GFM2: variants seen among roughly 807,000 people sequenced by gnomAD.
The protein encoded by GFM2 is ribosome-releasing factor 2, mitochondrial.
Under a neutral mutation model 95.4 loss-of-function variants are expected in GFM2, and 72 were observed. The observed-to-expected ratio is 0.76, with a 90% CI of 0.62 to 0.92. The LOEUF (loss-of-function observed/expected upper bound fraction) is 0.92, where lower values mean the gene tolerates loss of function less well. Ranked by LOEUF, GFM2 falls within the 40% of genes least tolerant of loss-of-function variation. The probability of loss-of-function intolerance (pLI) is 0.00; values close to 1 mark genes in which losing one functional copy is unlikely to be tolerated. For synonymous variants in GFM2, 276 were observed against 317.5 expected, an observed-to-expected ratio of 0.87 and a Z score of 1.39; for missense variants, 825 against 924.1, an observed-to-expected ratio of 0.89 and a Z score of 1.39.
rs188306675 is a variant in GFM2, at chr5:74,756,949, G to A, written c.304+1900C>T. 3.9e-3 allele frequency among the ~76,000 whole-genome samples: 598 copies of A among 152,122 alleles called. 1 individual carries two copies. The highest frequency in any genetic ancestry group is 6.6e-3 in the Non-Finnish European group (450 of 68,004). ...GGCAGGAGGGGAGTGAGGGATAAAAGACTACACATTGGGTACAGTGTACAC... is the reference window on the plus strand; with the variant it reads ...GGCAGGAGGGGAGTGAGGGATAAAAAACTACACATTGGGTACAGTGTACAC... On this transcript the variant is annotated intron_variant, in intron 5 of 20. Transcript: ENST00000296805.
At chr5:74,750,179 T>A (rs918562657) in intron 7 of GFM2, among the ~76,000 whole-genome samples, 3 of 152,230 alleles carry the variant, frequency 2.0e-5, no homozygotes, top group Admixed American at 6.5e-5. Context: ...TGATTAAACG[T>A]CAAATTTATC....
intron 20 of GFM2, 175 bp downstream of exon 20, chr5:74,722,204 G>A (rs533007139): frequency 8.2e-4 from 499 of 610,256 alleles, no homozygotes; most frequent in Non-Finnish European, 1.2e-3. Flanking sequence ...CCTGGATTTC[G>A]CCAACAATTT....
chr5:74,734,671 T>C (rs1486425123), intron 15 of GFM2, among the ~76,000 whole-genome samples: 2 of 152,182 alleles, frequency 1.3e-5, no homozygotes, highest in East Asian at 1.9e-4. Context: ...TAAAAATAAC[T>C]TTTACTGTAA....
In GFM2 at chr5:74,733,102, T is replaced by C. The variant is rs556893123; in HGVS notation, c.1511-4A>G. Reference sequence around the variant, plus strand: ...CATTTCAACGCATGTTCCAAATCTATGGGATAAACAACTGTTATCTTTACA... The same window carrying C: ...CATTTCAACGCATGTTCCAAATCTACGGGATAAACAACTGTTATCTTTACA... On this transcript the variant is annotated splice_polypyrimidine_tract_variant and splice_region_variant and intron_variant, in intron 15 of 20. Coordinates refer to ENST00000296805, the MANE Select transcript of GFM2 (RefSeq NM_032380.5). The C allele has an allele frequency of 2.5e-6, 4 of 1,599,450 alleles. No individual in the cohort carries two copies. Among genetic ancestry groups the C allele is most frequent in the Non-Finnish European group, 3.4e-6 (4 of 1,166,762 alleles).
intron 5 of GFM2, among the ~76,000 whole-genome samples, chr5:74,756,765 A>T (rs1580014849): frequency 6.6e-6 from 1 of 152,142 alleles, no homozygotes; most frequent in African/African-American, 2.4e-5. Context: ...GGAACTGGAG[A>T]CCACTATTCT....
chr5:74,725,811 C>A, intron 18 of GFM2, 56 bp from the exon 19 acceptor site: 1 of 1,462,692 alleles, frequency 6.8e-7, no homozygotes. Flanking sequence ...TGAGAAGTAA[C>A]TGAGAAGTGC....
At chr5:74,757,697 C>T (rs1744061254) in intron 5 of GFM2, among the ~76,000 whole-genome samples, 1 of 141,506 alleles carries the variant, frequency 7.1e-6, no homozygotes, top group Non-Finnish European at 1.5e-5. Context: ...CCACTGCACT[C>T]CAGCCTGGGC....
chr5:74,727,013 T>C (rs1204713332), intron 17 of GFM2, among the ~76,000 whole-genome samples: 3 of 151,970 alleles, frequency 2.0e-5, no homozygotes, highest in African/African-American at 7.3e-5. Flanking sequence ...TAAAAAATAA[T>C]AAAAATTAGC....
intron 12 of GFM2, among the ~76,000 whole-genome samples, chr5:74,739,619 CCTTT>C (rs1436584761): frequency 1.3e-5 from 2 of 152,152 alleles, no homozygotes; most frequent in African/African-American, 2.4e-5. Context: ...AAAACAATGA[CCTTT>C]CTTTATAGCC....
chr5:74,726,361 T>C (rs1365804134), intron 17 of GFM2, among the ~76,000 whole-genome samples: 1 of 152,220 alleles, frequency 6.6e-6, no homozygotes, highest in Non-Finnish European at 1.5e-5. Flanking sequence ...CCTATTGTTT[T>C]AACATTAAGA....
intron 7 of GFM2, among the ~76,000 whole-genome samples, chr5:74,749,730 A>G (rs544579867): frequency 1.3e-5 from 2 of 152,344 alleles, no homozygotes; most frequent in South Asian, 4.1e-4. Context: ...ATCTAACATT[A>G]CAAGTATCTT....
In GFM2 at chr5:74,722,407, A is replaced by G. The variant is rs143306569; in HGVS notation, c.2183T>C (p.Ile728Thr). 1,661 of 1,613,876 alleles carry G rather than the reference A, an allele frequency of 1.0e-3. 2 individuals carry two copies. The highest frequency in any genetic ancestry group is 1.3e-3 in the Non-Finnish European group (1,548 of 1,179,878). The change falls in exon 20 of 21, where the codon ATT becomes ACT. Residue 728 changes from isoleucine (I) to threonine (T), a missense_variant. Transcript: ENST00000296805. ...IQTRQDNKVV[I>T]GFVPLAEIMG... ...AATTTCTGCTAAGGGAACAAATCCA[A>G]TAACAACTTTGTTGTCCTGGCGAGT...
intron 11 of GFM2, among the ~76,000 whole-genome samples, chr5:74,740,509 T>C (rs1356048269): frequency 1.3e-5 from 2 of 152,132 alleles, no homozygotes; most frequent in East Asian, 3.8e-4. Context: ...TAAATCTGAG[T>C]TACCATTTCT....
intron 11 of GFM2, among the ~76,000 whole-genome samples, chr5:74,740,984 AGTCCCTG>A (rs1743080714): frequency 6.6e-6 from 1 of 152,176 alleles, no homozygotes; most frequent in Non-Finnish European, 1.5e-5. Flanking sequence ...CCATGGGGAA[AGTCCCTG>A]GCAGAACAAA....
chr5:74,765,313 T>C (rs1347813024), intron 1 of GFM2, among the ~76,000 whole-genome samples: 1 of 152,138 alleles, frequency 6.6e-6, no homozygotes, highest in Non-Finnish European at 1.5e-5. Flanking sequence ...TCAGCGTTAA[T>C]GCAGTGAACA....
chr5:74,741,400 A>C (rs999060091), intron 11 of GFM2, 129 bp downstream of exon 11: 1 of 601,634 alleles, frequency 1.7e-6, no homozygotes, highest in Non-Finnish European at 3.0e-6. Flanking sequence ...TGTTCTCCTA[A>C]CTTTAAACTT....
chr5:74,745,928 T>A (rs1241176213), intron 9 of GFM2, 71 bp from the exon 10 acceptor site: 3 of 1,333,102 alleles, frequency 2.3e-6, no homozygotes, highest in East Asian at 2.3e-5. Context: ...ACAAGTCTTT[T>A]CTAATTGTAC....
chr5:74,726,620 A>G (rs1339088022), intron 17 of GFM2, among the ~76,000 whole-genome samples: 3 of 152,332 alleles, frequency 2.0e-5, no homozygotes, highest in African/African-American at 2.4e-5. Context: ...TTCCCAAAAA[A>G]CCAGTAAAGT....
At chr5:74,766,314 TAAAAAC>T (rs968172373) in intron 1 of GFM2, among the ~76,000 whole-genome samples, 17 of 152,116 alleles carry the variant, frequency 1.1e-4, no homozygotes, top group Admixed American at 3.9e-4. Context: ...AAAATACCCA[TAAAAAC>T]AAAAACAAAA....
Sources: gnomAD v4.1 joint callset for allele counts (sites outside exome capture counted in the v4.1 genomes callset) on GRCh38, gnomAD v4.1.1 for gene constraint, MANE v1.5 for transcripts, NCBI Gene and HGNC (gene_info 2026-07-23, HGNC 2026-07-21) for gene names.